The following CSMD3 variants were observed in gnomAD, a reference collection of about 807,000 sequenced individuals.
CSMD3 encodes CUB and Sushi multiple domains 3, also known as CUB and sushi domain-containing protein 3.
Under a neutral mutation model 435.2 loss-of-function variants are expected in CSMD3, and 177 were observed. The observed-to-expected ratio is 0.41, with a 90% CI of 0.36 to 0.46. CSMD3 has a LOEUF of 0.46. Ranked by LOEUF, CSMD3 falls within the 20% of genes least tolerant of loss-of-function variation. CSMD3 has a pLI of 0.34. For synonymous variants in CSMD3, 1,656 were observed against 1,520.5 expected (o/e 1.09, Z -2.07); for missense variants, 4,265 against 4,504.6 (o/e 0.95, Z 1.52).
At chr8:113,087,795 T>C (rs1008530674) in intron 5 of CSMD3, among the ~76,000 whole-genome samples, 7 of 152,340 alleles carry the variant, frequency 4.6e-5, no homozygotes, top group African/African-American at 1.4e-4. Flanking sequence ...GACATAGGCA[T>C]GTGCAGGGAC....
At chr8:112,957,997 G>C (rs549840900) in intron 7 of CSMD3, among the ~76,000 whole-genome samples, 14 of 152,098 alleles carry the variant, frequency 9.2e-5, no homozygotes, top group African/African-American at 3.4e-4. Flanking sequence ...CACCTGCCCC[G>C]GCCTCCAAAA....
intron 3 of CSMD3, among the ~76,000 whole-genome samples, chr8:113,268,654 T>C (rs1053348343): frequency 6.6e-5 from 10 of 152,042 alleles, no homozygotes; most frequent in Non-Finnish European, 1.3e-4. Flanking sequence ...TTCCACAGTT[T>C]TAAAGTAAAT....
In CSMD3 at chr8:112,551,415, A is replaced by G. The variant is rs1422487508; in HGVS notation, c.4362-542T>C. Among the ~76,000 whole-genome samples, 3 of 152,220 alleles carry G rather than the reference A, an allele frequency of 2.0e-5. No individual in the cohort carries two copies. In the East Asian group the frequency reaches 5.8e-4, roughly 29 times the overall value. On this transcript the variant is annotated intron_variant, in intron 26 of 70. Transcript: ENST00000297405. ...GTTAAATCTATTCTGTTTTAAGTTT[A>G]AGCTAGACAAAATTAGAATCGGGTG...
intron 5 of CSMD3, among the ~76,000 whole-genome samples, chr8:113,090,917 C>A (rs900608106): frequency 9.9e-5 from 15 of 152,126 alleles, no homozygotes; most frequent in Admixed American, 3.3e-4. Context: ...TACCACCTCT[C>A]CTCACTTTCA....
chr8:113,246,803 G>A (rs1295627120), intron 3 of CSMD3, among the ~76,000 whole-genome samples: 1 of 152,170 alleles, frequency 6.6e-6, no homozygotes, highest in Non-Finnish European at 1.5e-5. Flanking sequence ...CCTGATGCAT[G>A]TGGTCAATTA....
intron 5 of CSMD3, among the ~76,000 whole-genome samples, chr8:113,069,990 T>TTAGTA: frequency 6.6e-6 from 1 of 152,238 alleles, no homozygotes; most frequent in South Asian, 2.1e-4. Flanking sequence ...CTTTGTTTAC[T>TTAGTA]AAGCCACTGA....
chr8:112,428,308 T>C (rs1813292301), intron 32 of CSMD3, among the ~76,000 whole-genome samples: 1 of 152,112 alleles, frequency 6.6e-6, no homozygotes. Context: ...TACAAAAAAA[T>C]ATATTCTCAA....
chr8:112,762,889 A>T (rs909301036), intron 13 of CSMD3, among the ~76,000 whole-genome samples: 1 of 151,822 alleles, frequency 6.6e-6, no homozygotes, highest in Non-Finnish European at 1.5e-5. Context: ...AGTGGTAACC[A>T]GATGCTGAAA....
At chr8:112,503,757 A>G (rs768923164) in intron 30 of CSMD3, 33 bp downstream of exon 30, 1 of 1,469,994 alleles carries the variant, frequency 6.8e-7, no homozygotes, top group Non-Finnish European at 9.5e-7. Context: ...TATAATTTAA[A>G]TCATGATACT....
At chr8:112,400,360 C>T (rs1831214591) in intron 35 of CSMD3, among the ~76,000 whole-genome samples, 1 of 152,088 alleles carries the variant, frequency 6.6e-6, no homozygotes, top group South Asian at 2.1e-4. Flanking sequence ...AATGGCCCCA[C>T]CTCCCAATAC....
chr8:112,312,481 C>A (rs975670582), intron 49 of CSMD3, among the ~76,000 whole-genome samples: 21 of 152,096 alleles, frequency 1.4e-4, no homozygotes, highest in African/African-American at 5.1e-4. Context: ...GTCTCGAACT[C>A]CTGACCTCAG....
intron 22 of CSMD3, among the ~76,000 whole-genome samples, chr8:112,592,122 T>C (rs1241439589): frequency 3.3e-5 from 5 of 152,010 alleles, no homozygotes; most frequent in Non-Finnish European, 7.4e-5. Flanking sequence ...CCTTCTCAAC[T>C]TGGCAGTATT....
rs540155081 is a variant in CSMD3 at position 112,289,160 on chromosome 8, TATC to T, written c.9148+202_9148+204del. On this transcript the variant is annotated intron_variant, in intron 57 of 70. Coordinates refer to ENST00000297405, the MANE Select transcript of CSMD3 (RefSeq NM_198123.2). The stretch of plus-strand genomic sequence containing the variant: ...CAGTTCAAAACACAAACTTGTAATT[TATC>T]ATCTACAACATCAGTACCCTGCATT... Among the ~76,000 whole-genome samples the T allele has an allele frequency of 4.8e-3, 734 of 152,262 alleles. 14 individuals carry two copies. Among genetic ancestry groups the T allele is most frequent in the Non-Finnish European group, 4.0e-3 (270 of 68,004 alleles).
chr8:113,043,247 T>C (rs2131296212), intron 5 of CSMD3, among the ~76,000 whole-genome samples: 1 of 152,310 alleles, frequency 6.6e-6, no homozygotes, highest in South Asian at 2.1e-4. Flanking sequence ...TCAATTCTTC[T>C]CCCTCCTTGC....
At chr8:113,289,151 G>A (rs1451449620) in intron 2 of CSMD3, among the ~76,000 whole-genome samples, 1 of 151,622 alleles carries the variant, frequency 6.6e-6, no homozygotes, top group Non-Finnish European at 1.5e-5. Flanking sequence ...TTAAGTCCCT[G>A]TCAAGTTTAA....
chr8:112,329,407 T>C (rs546942239), intron 45 of CSMD3, among the ~76,000 whole-genome samples: 155 of 152,250 alleles, frequency 1.0e-3, no homozygotes, highest in African/African-American at 3.6e-3. Context: ...ACTAATTATA[T>C]AGGTATATTC....
In CSMD3 at chr8:113,112,386, CATATATATATATATATATATAT is replaced by C. The variant is rs56256676; in HGVS notation, c.710-13445_710-13424del. Among the ~76,000 whole-genome samples the C allele has an allele frequency of 2.7e-3, 204 of 74,926 alleles. 1 individual carries two copies. Among genetic ancestry groups the C allele is most frequent in the Middle Eastern group, 7.7e-3 (1 of 130 alleles). 49.2% of individuals were successfully genotyped at this position (74,926 alleles called of 152,430 possible). A position where few individuals can be genotyped will look rare whatever the true frequency, so the allele number is the denominator to read the frequency against. On this transcript the variant is annotated intron_variant, in intron 4 of 70. Coordinates refer to ENST00000297405, the MANE Select transcript of CSMD3 (RefSeq NM_198123.2). The stretch of plus-strand genomic sequence containing the variant: ...GATATACACAACTGACCCAATAAAA[CATATATATATATATATATATAT>C]ATATATATATATATATATATATATA...
chr8:112,835,790 A>C (rs1439949227), intron 11 of CSMD3, among the ~76,000 whole-genome samples: 2 of 151,920 alleles, frequency 1.3e-5, no homozygotes, highest in African/African-American at 4.8e-5. Flanking sequence ...AGGTAAAAAT[A>C]AATCCTCTCA....
Position 112,883,165 on chromosome 8 carries a change from G to T in CSMD3, c.1634-23899C>A, listed in dbSNP as rs900486089. On this transcript the variant is annotated intron_variant, in intron 10 of 70. Coordinates refer to ENST00000297405, the MANE Select transcript of CSMD3 (RefSeq NM_198123.2). Reference sequence around the variant, plus strand: ...CTGAACCCCAGGCCAAGTTTTGCCCGATCTTCCAATTTTTCAAAGAGAAAC... The same window carrying T: ...CTGAACCCCAGGCCAAGTTTTGCCCTATCTTCCAATTTTTCAAAGAGAAAC... Among the ~76,000 whole-genome samples the T allele has an allele frequency of 2.0e-5, 3 of 151,790 alleles. No individual in the cohort carries two copies. The South Asian group carries it at 6.2e-4, about 31-fold the overall frequency.
Sources: gnomAD v4.1 joint callset for allele counts (sites outside exome capture counted in the v4.1 genomes callset) on GRCh38, gnomAD v4.1.1 for gene constraint, MANE v1.5 for transcripts, NCBI Gene and HGNC (gene_info 2026-07-23, HGNC 2026-07-21) for gene names.